The following PPM1E variants were observed in gnomAD, a reference collection of about 807,000 sequenced individuals.
The protein encoded by PPM1E is protein phosphatase 1E.
Under a neutral mutation model 65.9 loss-of-function variants are expected in PPM1E, and 20 were observed. The ratio of observed to expected loss-of-function variants is 0.30; its 90% CI spans 0.21 to 0.44. The LOEUF (loss-of-function observed/expected upper bound fraction) is 0.44. PPM1E is among the 20% of genes least tolerant of loss of function. The pLI is 1.00. For synonymous variants in PPM1E, 352 were observed against 374.9 expected (o/e 0.94, Z 0.70); for missense variants, 713 against 953.1 (o/e 0.75, Z 3.32).
At chr17:58,834,743 G>A (rs2050637426) in intron 1 of PPM1E, among the ~76,000 whole-genome samples, 1 of 151,998 alleles carries the variant, frequency 6.6e-6, no homozygotes. Flanking sequence ...TTGTTCTATT[G>A]ATCTGTGTGT....
chr17:58,897,249 C>T (rs2143454106), intron 1 of PPM1E, among the ~76,000 whole-genome samples: 1 of 151,962 alleles, frequency 6.6e-6, no homozygotes. Flanking sequence ...CCCGTATTTA[C>T]TAAAAATACA....
chr17:58,935,587 G>A lies in PPM1E; in HGVS notation c.465-20062G>A, dbSNP rs140733324. Among the ~76,000 whole-genome samples the A allele has an allele frequency of 2.3e-3, 349 of 152,238 alleles. 3 individuals are homozygous for A. The highest frequency in any genetic ancestry group is 7.9e-3 in the African/African-American group (328 of 41,546). ...AAGATGTGCTATCTAATTTCTTCTC[G>A]TCATGGAGAAAGGATGACAAGAAAG... On this transcript the variant is annotated intron_variant, in intron 1 of 6. Coordinates refer to ENST00000308249, the MANE Select transcript of PPM1E (RefSeq NM_014906.5).
intron 1 of PPM1E, among the ~76,000 whole-genome samples, chr17:58,923,284 CAAA>C (rs60557317): frequency 2.5e-4 from 26 of 102,450 alleles, no homozygotes; most frequent in East Asian, 3.0e-4. Context: ...GACCCTATCT[CAAA>C]AAAAAAAAAA....
chr17:58,933,958 G>A (rs2051940434), intron 1 of PPM1E, among the ~76,000 whole-genome samples: 1 of 152,008 alleles, frequency 6.6e-6, no homozygotes, highest in South Asian at 2.1e-4. Context: ...AGCTGGATGT[G>A]GCGGCACGCG....
rs746336939 is a variant in PPM1E, at chr17:58,972,840, G to A, written c.1125G>A (p.Lys375=). Residue 375 remains lysine (K), a synonymous_variant, in exon 6 of 7, where the codon AAG becomes AAA. Coordinates refer to ENST00000308249, the MANE Select transcript of PPM1E (RefSeq NM_014906.5). ...KPHKPDREDE[K]QRIEALGGCV... ...ATTGCATTGCTGTTTAGGATGAAAA[G>A]CAGAGAATTGAGGCCCTTGGAGGTT... 2 of 1,612,698 alleles carry A rather than the reference G, an allele frequency of 1.2e-6. No individual in the cohort carries two copies. The highest frequency in any genetic ancestry group is 1.3e-5 in the African/African-American group (1 of 75,000).
chr17:58,959,241 G>A (rs1367950947), intron 2 of PPM1E, among the ~76,000 whole-genome samples: 3 of 150,300 alleles, frequency 2.0e-5, no homozygotes, highest in Non-Finnish European at 4.4e-5. Context: ...CCTAGGAGGC[G>A]GAGGTTGCAG....
chr17:58,927,781 G>A (rs188572884), intron 1 of PPM1E, among the ~76,000 whole-genome samples: 2 of 151,906 alleles, frequency 1.3e-5, no homozygotes, highest in African/African-American at 4.8e-5. Flanking sequence ...CCAGGCGGCC[G>A]GGCCCGGTGG....
At chr17:58,890,333 T>C (rs1259336108) in intron 1 of PPM1E, among the ~76,000 whole-genome samples, 1 of 152,038 alleles carries the variant, frequency 6.6e-6, no homozygotes, top group South Asian at 2.1e-4. Context: ...GCATTATGCA[T>C]GGGGAACGTT....
chr17:58,951,670 CTTT>C (rs1235802643), intron 1 of PPM1E, among the ~76,000 whole-genome samples: 79 of 120,320 alleles, frequency 6.6e-4, no homozygotes, highest in Admixed American at 3.6e-3. Flanking sequence ...GTGAGACTCT[CTTT>C]AAAAAAAAAA....
intron 1 of PPM1E, among the ~76,000 whole-genome samples, chr17:58,793,881 T>C (rs1473727315): frequency 1.3e-5 from 2 of 152,134 alleles, no homozygotes; most frequent in African/African-American, 4.8e-5. Context: ...TTTCACTCTG[T>C]TGCCCAAGCT....
At chr17:58,913,525 A>G (rs542333911) in intron 1 of PPM1E, among the ~76,000 whole-genome samples, 1 of 152,332 alleles carries the variant, frequency 6.6e-6, no homozygotes, top group Admixed American at 6.5e-5. Flanking sequence ...GCAATAGCGA[A>G]GTAGTGTAAT....
chr17:58,764,331 T>G (rs971667692), intron 1 of PPM1E, among the ~76,000 whole-genome samples: 1 of 152,154 alleles, frequency 6.6e-6, no homozygotes, highest in African/African-American at 2.4e-5. Flanking sequence ...TATCTAACCA[T>G]TTTTAATTAA....
chr17:58,891,853 T>TC (rs2051351133), intron 1 of PPM1E, among the ~76,000 whole-genome samples: 2 of 146,164 alleles, frequency 1.4e-5, no homozygotes, highest in African/African-American at 5.1e-5. Context: ...TTTTTTTTTT[T>TC]GAGACAGAGT....
chr17:58,921,087 G>A lies in PPM1E; in HGVS notation c.465-34562G>A, dbSNP rs115885910. Among the ~76,000 whole-genome samples the A allele has an allele frequency of 4.3e-3, 648 of 152,278 alleles. 4 individuals are homozygous for A. The highest frequency in any genetic ancestry group is 0.012 in the African/African-American group (508 of 41,562). On this transcript the variant is annotated intron_variant, in intron 1 of 6. Transcript: ENST00000308249. The stretch of plus-strand genomic sequence containing the variant: ...AATTGACAGTTGGATTTGGCAACAT[G>A]GAAGCCATTGTGACTTTAATAAGAG...
chr17:58,832,203 T>G (rs1053134151), intron 1 of PPM1E, among the ~76,000 whole-genome samples: 7 of 152,186 alleles, frequency 4.6e-5, no homozygotes, highest in Non-Finnish European at 8.8e-5. Context: ...TATTTGATCC[T>G]CAGAAAATAC....
At chr17:58,774,956 G>A (rs896867712) in intron 1 of PPM1E, among the ~76,000 whole-genome samples, 14 of 151,624 alleles carry the variant, frequency 9.2e-5, no homozygotes, top group Non-Finnish European at 1.5e-4. Flanking sequence ...GGGTTCAAGC[G>A]ATTCTCCTGC....
intron 1 of PPM1E, among the ~76,000 whole-genome samples, chr17:58,781,721 T>C (rs973437451): frequency 6.6e-6 from 1 of 151,716 alleles, no homozygotes; most frequent in African/African-American, 2.4e-5. Flanking sequence ...ACCCCGTCCC[T>C]ACTGAAAATA....
intron 2 of PPM1E, among the ~76,000 whole-genome samples, chr17:58,963,050 C>T (rs928749333): frequency 6.6e-6 from 1 of 151,676 alleles, no homozygotes; most frequent in Non-Finnish European, 1.5e-5. Context: ...GATTACATCA[C>T]CCCACTCTAG....
In PPM1E at chr17:58,965,032, C is replaced by T. The variant is rs978486102; in HGVS notation, c.584-662C>T. On this transcript the variant is annotated intron_variant, in intron 2 of 6. Transcript: ENST00000308249. ...TGCACTCCAGCCTGGGCAACAAAAG[C>T]GAAACTCCGTCTTAATTAAAAAAAA... Among the ~76,000 whole-genome samples, 3 of 138,620 alleles carry T rather than the reference C, an allele frequency of 2.2e-5. No homozygotes were observed. In the Admixed American group the frequency reaches 2.2e-4, roughly 10 times the overall value. The allele number at this position is 138,620 out of a possible 152,430, so 90.9% of individuals were successfully genotyped here. A position where few individuals can be genotyped will look rare whatever the true frequency, so the allele number is the denominator to read the frequency against.
Sources: allele counts gnomAD v4.1 joint callset (sites outside exome capture counted in the v4.1 genomes callset), GRCh38; gene constraint gnomAD v4.1.1; transcripts MANE v1.5; gene names NCBI Gene and HGNC (gene_info 2026-07-23, HGNC 2026-07-21).